CACNA2D3: variants seen among roughly 807,000 people sequenced by gnomAD.
CACNA2D3 encodes the protein voltage-dependent calcium channel subunit alpha-2/delta-3.
CACNA2D3 carries 60 observed loss-of-function variants against 160.6 expected under a neutral mutation model. The ratio of observed to expected loss-of-function variants is 0.37; its 90% confidence interval spans 0.30 to 0.46. CACNA2D3 has a LOEUF of 0.46. Among genes scored for constraint, CACNA2D3 ranks in the 20% least tolerant of loss-of-function variants. CACNA2D3 has a pLI of 1.00. For synonymous variants in CACNA2D3, 558 were observed against 492.9 expected (o/e 1.13, Z -1.75); for missense variants, 1,205 against 1,365.0 (o/e 0.88, Z 1.85).
intron 2 of CACNA2D3, among the ~76,000 whole-genome samples, chr3:54,179,332 A>G (rs775344270): frequency 2.6e-5 from 4 of 152,188 alleles, no homozygotes; most frequent in Non-Finnish European, 5.9e-5. Context: ...GCCTTTGGGC[A>G]GTCTTGCTCT....
chr3:54,795,162 A>G lies in CACNA2D3; in HGVS notation c.1381-21691A>G, dbSNP rs958579215. On this transcript the variant is annotated intron_variant, in intron 13 of 37. Transcript: ENST00000474759. ...CCGATTACTTCTTCTGCCATGTCTC[A>G]TCCTTTGTTAGACCCATACAGTCAC... Among the ~76,000 whole-genome samples, 8 of 151,880 alleles carry G rather than the reference A, an allele frequency of 5.3e-5. No individual in the cohort carries two copies. The East Asian group carries it at 1.3e-3, about 26-fold the overall frequency.
intron 4 of CACNA2D3, among the ~76,000 whole-genome samples, chr3:54,402,941 A>G (rs780580621): frequency 2.0e-5 from 3 of 152,226 alleles, no homozygotes; most frequent in African/African-American, 4.8e-5. Flanking sequence ...ATTTATGACC[A>G]CAAGTATATG....
At chr3:54,875,665 A>G (rs1699642128) in intron 18 of CACNA2D3, 1 of 152,230 alleles carries the variant, frequency 6.6e-6, no homozygotes, top group Admixed American at 6.5e-5. Flanking sequence ...GGTTGGCAGG[A>G]AAGTGGGTGC....
intron 29 of CACNA2D3, among the ~76,000 whole-genome samples, chr3:54,978,966 C>T (rs777031425): frequency 6.6e-6 from 1 of 152,230 alleles, no homozygotes; most frequent in Non-Finnish European, 1.5e-5. Flanking sequence ...CTTTATTATA[C>T]TTGGCCTGAT....
chr3:54,979,986 G>A (rs1444391357), intron 29 of CACNA2D3, among the ~76,000 whole-genome samples: 1 of 151,936 alleles, frequency 6.6e-6, no homozygotes, highest in Non-Finnish European at 1.5e-5. Flanking sequence ...AGTAAGCCAT[G>A]TTAGAATTAT....
chr3:54,643,142 C>T (rs566234303), intron 11 of CACNA2D3, among the ~76,000 whole-genome samples: 26 of 152,276 alleles, frequency 1.7e-4, no homozygotes, highest in African/African-American at 5.8e-4. Flanking sequence ...TATAGGTACA[C>T]GAGTCAGTCC....
At chr3:54,538,344 TG>T (rs1367959329) in intron 5 of CACNA2D3, among the ~76,000 whole-genome samples, 1 of 152,184 alleles carries the variant, frequency 6.6e-6, no homozygotes, top group African/African-American at 2.4e-5. Context: ...TGAACAGCTC[TG>T]TTGTGTTCTG....
At chr3:54,989,444 C>A (rs561545365) in intron 31 of CACNA2D3, among the ~76,000 whole-genome samples, 41 of 152,322 alleles carry the variant, frequency 2.7e-4, no homozygotes, top group African/African-American at 9.4e-4. Flanking sequence ...CAACTGCTGT[C>A]ATCCAGGAGC....
intron 9 of CACNA2D3, among the ~76,000 whole-genome samples, chr3:54,589,525 G>A (rs79590557): frequency 0.012 from 1,837 of 151,074 alleles, 20 homozygotes; most frequent in Non-Finnish European, 0.016. Flanking sequence ...TTTGTAAAAG[G>A]AAAATTTGTT....
At chr3:54,332,133 A>G (rs141299665) in intron 3 of CACNA2D3, among the ~76,000 whole-genome samples, 14 of 152,240 alleles carry the variant, frequency 9.2e-5, no homozygotes, top group South Asian at 2.1e-4. Context: ...GCCTTCATCA[A>G]CAACAACACA....
In CACNA2D3 at chr3:54,221,316, T is replaced by C. The variant is rs1414192784; in HGVS notation, c.204+97722T>C. ...GTACCGTCATGACTAAAAATTCCAATTATTTAGTTTCCATTTGAGATTACC... is the reference window on the plus strand; with the variant it reads ...GTACCGTCATGACTAAAAATTCCAACTATTTAGTTTCCATTTGAGATTACC... On this transcript the variant is annotated intron_variant, in intron 2 of 37. Coordinates refer to ENST00000474759, the MANE Select transcript of CACNA2D3 (RefSeq NM_018398.3). Among the ~76,000 whole-genome samples the C allele has an allele frequency of 3.9e-5, 6 of 152,216 alleles. No homozygotes were observed. In the East Asian group the frequency reaches 1.2e-3, roughly 29 times the overall value.
chr3:54,988,563 A>G (rs1348304587), intron 31 of CACNA2D3, among the ~76,000 whole-genome samples: 1 of 152,216 alleles, frequency 6.6e-6, no homozygotes, highest in African/African-American at 2.4e-5. Context: ...TGTTAAATAT[A>G]TAATGGCAGG....
chr3:54,753,697 A>G (rs1406221114), intron 12 of CACNA2D3, among the ~76,000 whole-genome samples: 1 of 152,234 alleles, frequency 6.6e-6, no homozygotes, highest in Non-Finnish European at 1.5e-5. Context: ...TCAATGTTCT[A>G]ATACTCAAAA....
chr3:54,827,542 T>C (rs996310412), intron 14 of CACNA2D3, among the ~76,000 whole-genome samples: 3 of 152,240 alleles, frequency 2.0e-5, no homozygotes, highest in Admixed American at 2.0e-4. Flanking sequence ...AGCTGTGTTT[T>C]TTTTAAGTCC....
chr3:54,494,659 G>GTGCTA (rs1333733717), intron 4 of CACNA2D3, among the ~76,000 whole-genome samples: 1 of 152,016 alleles, frequency 6.6e-6, no homozygotes, highest in Non-Finnish European at 1.5e-5. Context: ...CTTCAACAGG[G>GTGCTA]TGCTGTATTA....
At chr3:55,073,182 T>G (rs1202373564) in intron 35 of CACNA2D3, among the ~76,000 whole-genome samples, 1 of 152,158 alleles carries the variant, frequency 6.6e-6, no homozygotes, top group Non-Finnish European at 1.5e-5. Context: ...GACTCTTGTG[T>G]TTTGTACATA....
chr3:54,221,276 G>A (rs147254022), intron 2 of CACNA2D3, among the ~76,000 whole-genome samples: 1 of 152,200 alleles, frequency 6.6e-6, no homozygotes, highest in Admixed American at 6.5e-5. Flanking sequence ...GTGAGAGGGT[G>A]GGATCGTGGG....
intron 11 of CACNA2D3, among the ~76,000 whole-genome samples, chr3:54,683,319 G>C (rs753005327): frequency 2.0e-5 from 3 of 152,148 alleles, no homozygotes; most frequent in Non-Finnish European, 4.4e-5. Context: ...TCTCTGTATG[G>C]ACTGCCTTGC....
At chr3:55,012,386 T>A (rs944248267) in intron 34 of CACNA2D3, among the ~76,000 whole-genome samples, 6 of 152,108 alleles carry the variant, frequency 3.9e-5, no homozygotes, top group Non-Finnish European at 8.8e-5. Context: ...TTTCAGTGGT[T>A]TTCTTTTTGG....
Sources: gnomAD v4.1 joint callset for allele counts (sites outside exome capture counted in the v4.1 genomes callset) on GRCh38, gnomAD v4.1.1 for gene constraint, MANE v1.5 for transcripts, NCBI Gene and HGNC (gene_info 2026-07-23, HGNC 2026-07-21) for gene names.